SLC4A4: variants seen among roughly 807,000 people sequenced by gnomAD.
The protein encoded by SLC4A4 is electrogenic sodium bicarbonate cotransporter 1.
A neutral mutation model predicts 111.5 loss-of-function variants in SLC4A4; 27 were observed. The ratio of observed to expected loss-of-function variants is 0.24; its 90% confidence interval spans 0.18 to 0.33. The LOEUF (loss-of-function observed/expected upper bound fraction) is 0.33. Among genes scored for constraint, SLC4A4 ranks in the 10% least tolerant of loss-of-function variants. The probability of loss-of-function intolerance (pLI) is 1.00; values close to 1 mark genes in which losing one functional copy is unlikely to be tolerated. For synonymous variants in SLC4A4, 443 were observed against 463.4 expected, an observed-to-expected ratio of 0.96 and a Z score of 0.57; for missense variants, 909 against 1,315.5, an observed-to-expected ratio of 0.69 and a Z score of 4.78.
At chr4:71,257,748 G>A (rs1055394134) in intron 3 of SLC4A4, among the ~76,000 whole-genome samples, 11 of 152,158 alleles carry the variant, frequency 7.2e-5, no homozygotes, top group African/African-American at 2.2e-4. Flanking sequence ...GTTCCCACAT[G>A]TGTCTGGCAG....
intron 2 of SLC4A4, among the ~76,000 whole-genome samples, chr4:71,155,194 T>A (rs1365325159): frequency 6.6e-6 from 1 of 152,174 alleles, no homozygotes; most frequent in African/African-American, 2.4e-5. Flanking sequence ...ACCCTTCTAC[T>A]TCTGGTGTAT....
At chr4:71,188,025 C>T (rs1578566248) in intron 1 of SLC4A4, among the ~76,000 whole-genome samples, 1 of 152,218 alleles carries the variant, frequency 6.6e-6, no homozygotes, top group South Asian at 2.1e-4. Context: ...ACTGGAATTT[C>T]TCTTGGCCAG....
At chr4:71,347,672 A>G (rs1477313070) in intron 4 of SLC4A4, among the ~76,000 whole-genome samples, 1 of 152,132 alleles carries the variant, frequency 6.6e-6, no homozygotes, top group African/African-American at 2.4e-5. Flanking sequence ...GCAGAAAAGA[A>G]CTACTGTATA....
In SLC4A4 at chr4:71,447,658, T is replaced by A. The variant is rs150244768; in HGVS notation, c.978T>A (p.Ile326=). Reference sequence around the variant, plus strand: ...CCTTTTCCATTAGGTTCTTGTTCATTCTCTTAGGTCCTAAGGGGAAAGCCA... The same window carrying A: ...CCTTTTCCATTAGGTTCTTGTTCATACTCTTAGGTCCTAAGGGGAAAGCCA... ...EVPVPTRFLF[I]LLGPKGKAKS... The change falls in exon 9 of 26, where the codon ATT becomes ATA. Residue 326 remains isoleucine, a synonymous_variant. Coordinates refer to ENST00000264485, the MANE Select transcript of SLC4A4 (RefSeq NM_001098484.3). 7 of 1,609,722 alleles carry A rather than the reference T, an allele frequency of 4.3e-6. No homozygotes were observed. Among genetic ancestry groups the A allele is most frequent in the Non-Finnish European group, 5.1e-6 (6 of 1,176,256 alleles).
intron 1 of SLC4A4, among the ~76,000 whole-genome samples, chr4:71,069,029 T>C (rs1337848480): frequency 6.6e-6 from 1 of 152,212 alleles, no homozygotes; most frequent in Non-Finnish European, 1.5e-5. Context: ...ACTGGTTCCA[T>C]TGAGTTACAC....
intron 1 of SLC4A4, among the ~76,000 whole-genome samples, chr4:71,219,625 G>C (rs992877645): frequency 6.6e-6 from 1 of 152,204 alleles, no homozygotes; most frequent in Admixed American, 6.5e-5. Context: ...CATAAATAGT[G>C]ATTTCTCTGA....
chr4:71,483,522 C>T (rs1578012609), intron 14 of SLC4A4, among the ~76,000 whole-genome samples: 2 of 151,956 alleles, frequency 1.3e-5, no homozygotes, highest in African/African-American at 4.8e-5. Flanking sequence ...TTTATGGCTG[C>T]ATAGTATTCC....
chr4:71,436,721 T>A (rs1444405460), intron 7 of SLC4A4, among the ~76,000 whole-genome samples: 2 of 152,246 alleles, frequency 1.3e-5, no homozygotes, highest in Non-Finnish European at 2.9e-5. Flanking sequence ...ATTTAATTGC[T>A]TAATGACTTA....
chr4:71,262,432 T>C (rs1457660527), intron 3 of SLC4A4, among the ~76,000 whole-genome samples: 1 of 152,212 alleles, frequency 6.6e-6, no homozygotes, highest in Non-Finnish European at 1.5e-5. Flanking sequence ...GAGTCTTACT[T>C]GACTTTTCAT....
At chr4:71,144,908 C>T (rs1460374826) in intron 2 of SLC4A4, among the ~76,000 whole-genome samples, 1 of 152,108 alleles carries the variant, frequency 6.6e-6, no homozygotes, top group Non-Finnish European at 1.5e-5. Flanking sequence ...GACAATTTGA[C>T]TTCCTCTTTT....
intron 1 of SLC4A4, among the ~76,000 whole-genome samples, chr4:71,063,160 A>C (rs1741430917): frequency 6.6e-6 from 1 of 152,192 alleles, no homozygotes; most frequent in African/African-American, 2.4e-5. Context: ...TTAATAGAGA[A>C]ATGGAATTTT....
chr4:71,509,408 A>AT (rs35652102), intron 16 of SLC4A4, among the ~76,000 whole-genome samples: 46,912 of 148,150 alleles, frequency 0.32, 9,194 homozygotes, highest in African/African-American at 0.53. Flanking sequence ...GTAGGGAGGG[A>AT]TTTTTTTTTT....
intron 6 of SLC4A4, among the ~76,000 whole-genome samples, chr4:71,388,294 T>G (rs1340967351): frequency 6.6e-6 from 1 of 152,110 alleles, no homozygotes; most frequent in Non-Finnish European, 1.5e-5. Flanking sequence ...TGCTCATGTA[T>G]GTGTGTGTGA....
At chr4:71,196,696 C>T (rs528302484) in intron 1 of SLC4A4, among the ~76,000 whole-genome samples, 27 of 151,256 alleles carry the variant, frequency 1.8e-4, no homozygotes, top group African/African-American at 5.1e-4. Context: ...TGGCTGGGTG[C>T]GGTGGCTAAC....
chr4:71,482,071 G>T (rs1399065713), intron 14 of SLC4A4, among the ~76,000 whole-genome samples: 8 of 151,684 alleles, frequency 5.3e-5, no homozygotes, highest in East Asian at 2.0e-4. Flanking sequence ...TTCTGCAATT[G>T]GTTGCCAAAA....
chr4:71,333,722 C>G (rs1728202851), intron 3 of SLC4A4, among the ~76,000 whole-genome samples: 1 of 152,176 alleles, frequency 6.6e-6, no homozygotes, highest in Non-Finnish European at 1.5e-5. Flanking sequence ...TGCTGCTGAG[C>G]TGGCACCCAA....
chr4:71,568,797 T>C lies in SLC4A4; in HGVS notation c.*1046T>C, dbSNP rs1052023632. On this transcript the variant is annotated 3_prime_UTR_variant, in exon 26 of 26. Coordinates refer to ENST00000264485, the MANE Select transcript of SLC4A4 (RefSeq NM_001098484.3). ...ACACACAAATACACAATCTCTAGGG[T>C]AAGCCAGAAGGCAAGATCAGATTAA... 2.0e-5 allele frequency: 3 copies of C among 152,092 alleles called. No homozygotes were observed. Among genetic ancestry groups the C allele is most frequent in the Non-Finnish European group, 4.4e-5 (3 of 67,804 alleles). 9.4% of individuals were successfully genotyped at this position (152,092 alleles called of 1,614,324 possible). A position where few individuals can be genotyped will look rare whatever the true frequency, so the allele number is the denominator to read the frequency against.
chr4:71,558,572 C>CTTCT (rs1241647443), intron 22 of SLC4A4, among the ~76,000 whole-genome samples: 2 of 151,900 alleles, frequency 1.3e-5, no homozygotes, highest in African/African-American at 4.8e-5. Flanking sequence ...TAACTCTTTA[C>CTTCT]TTCTTGCAAG....
chr4:71,299,556 G>C (rs1725056262), intron 3 of SLC4A4, among the ~76,000 whole-genome samples: 1 of 152,206 alleles, frequency 6.6e-6, no homozygotes. Context: ...GATCAGAGAG[G>C]TCAGGAGTGT....
Sources: gnomAD v4.1 joint callset for allele counts (sites outside exome capture counted in the v4.1 genomes callset) on GRCh38, gnomAD v4.1.1 for gene constraint, MANE v1.5 for transcripts, NCBI Gene and HGNC (gene_info 2026-07-23, HGNC 2026-07-21) for gene names.